Variants in ADAMTS12 observed in about 807,000 individuals in gnomAD.
The protein encoded by ADAMTS12 is A disintegrin and metalloproteinase with thrombospondin motifs 12.
ADAMTS12 carries 118 observed loss-of-function variants against 167.8 expected under a neutral mutation model. The ratio of observed to expected loss-of-function variants is 0.70; its 90% CI spans 0.61 to 0.82. The LOEUF is 0.82. ADAMTS12 is among the 40% of genes least tolerant of loss of function. The pLI is 0.00. For missense variants in ADAMTS12, 1,916 were observed against 1,998.8 expected, an observed-to-expected ratio of 0.96 and a Z score of 0.79; for synonymous variants, 704 against 716.9, an observed-to-expected ratio of 0.98 and a Z score of 0.29.
chr5:33,599,790 G>T (rs1738097142), intron 16 of ADAMTS12, among the ~76,000 whole-genome samples: 2 of 152,154 alleles, frequency 1.3e-5, no homozygotes, highest in South Asian at 4.1e-4. Flanking sequence ...AAAATCGATT[G>T]CTGAAATAAA....
In ADAMTS12 at chr5:33,751,622, T is replaced by C. The variant is rs150679394; in HGVS notation, c.490-74A>G. 2,693 of 1,472,200 alleles carry C rather than the reference T, an allele frequency of 1.8e-3. 39 individuals carry two copies. In the African/African-American group the frequency reaches 0.033, roughly 18 times the overall value. 91.2% of individuals were successfully genotyped at this position (1,472,200 alleles called of 1,614,324 possible). On this transcript the variant is annotated intron_variant, in intron 2 of 23. Transcript: ENST00000504830. The stretch of plus-strand genomic sequence containing the variant: ...CTACTAAAAACAAAGTGAAAAATTA[T>C]ATAGCTTATGAGTATCTCTGAAACT...
intron 3 of ADAMTS12, among the ~76,000 whole-genome samples, chr5:33,725,323 C>CT (rs1446483944): frequency 6.6e-6 from 1 of 152,182 alleles, no homozygotes; most frequent in Non-Finnish European, 1.5e-5. Context: ...CACAGTCTCT[C>CT]TTTCTCTGAT....
At position 33,641,911 on chromosome 5, in the gene ADAMTS12, C is replaced by T; in HGVS notation, c.1617G>A (p.Glu539=). ...GKCITVGKKP[E]SIPGGWGRWS... is the part of the protein sequence containing the mutation. ...AGCGGCCCCAGCCTCCAGGAATGCT[C>T]TCTGGTTTCTTCCCCACTGTGATGC... Residue 539 remains glutamate (E), a synonymous_variant, in exon 11 of 24, where the codon GAG becomes GAA. Transcript: ENST00000504830. 2 of 1,613,752 alleles carry T rather than the reference C, an allele frequency of 1.2e-6. No homozygotes were observed. Among genetic ancestry groups the T allele is most frequent in the South Asian group, 1.1e-5 (1 of 91,064 alleles).
intron 5 of ADAMTS12, among the ~76,000 whole-genome samples, chr5:33,664,909 T>C (rs1314093996): frequency 5.9e-5 from 9 of 152,112 alleles, no homozygotes; most frequent in African/African-American, 1.9e-4. Context: ...GACTGATGAA[T>C]GGATAAAGAA....
At chr5:33,707,987 A>G (rs771359142) in intron 3 of ADAMTS12, among the ~76,000 whole-genome samples, 24 of 152,214 alleles carry the variant, frequency 1.6e-4, no homozygotes, top group Admixed American at 6.5e-5. Context: ...AGCAAAATAA[A>G]CTATCATCAG....
intron 2 of ADAMTS12, among the ~76,000 whole-genome samples, chr5:33,850,806 G>C (rs1257323125): frequency 1.3e-5 from 2 of 152,170 alleles, no homozygotes; most frequent in Non-Finnish European, 2.9e-5. Flanking sequence ...GATCTAAAGA[G>C]GCGAAGTCTT....
intron 1 of ADAMTS12, among the ~76,000 whole-genome samples, chr5:33,884,090 C>T (rs1267987475): frequency 6.6e-6 from 1 of 152,128 alleles, no homozygotes; most frequent in Non-Finnish European, 1.5e-5. Context: ...AGCAATGGTG[C>T]CCTGTATGTA....
intron 12 of ADAMTS12, among the ~76,000 whole-genome samples, chr5:33,631,453 G>C (rs1471799888): frequency 6.8e-6 from 1 of 147,448 alleles, no homozygotes; most frequent in African/African-American, 2.4e-5. Context: ...GAGGTGCTTA[G>C]ATTGACAACC....
At chr5:33,642,009 C>CA (rs1329154502) in intron 10 of ADAMTS12, 54 bp from the exon 11 acceptor site, 2 of 1,536,068 alleles carry the variant, frequency 1.3e-6, no homozygotes, top group African/African-American at 2.7e-5. Context: ...CCAGAGCAAG[C>CA]TGAGCCAAGA....
chr5:33,868,087 TC>T (rs1203622935), intron 2 of ADAMTS12, among the ~76,000 whole-genome samples: 2 of 152,162 alleles, frequency 1.3e-5, no homozygotes, highest in African/African-American at 2.4e-5. Context: ...TCTTGAGGCC[TC>T]CCCAGCCATG....
intron 2 of ADAMTS12, among the ~76,000 whole-genome samples, chr5:33,778,761 C>T (rs970835781): frequency 1.3e-5 from 2 of 152,048 alleles, no homozygotes; most frequent in African/African-American, 4.8e-5. Flanking sequence ...AAAATATTTG[C>T]AAATCAGATA....
intron 13 of ADAMTS12, among the ~76,000 whole-genome samples, chr5:33,625,503 T>C (rs1161644278): frequency 6.6e-6 from 1 of 152,208 alleles, no homozygotes; most frequent in East Asian, 1.9e-4. Flanking sequence ...TGATTTAGAA[T>C]GAGCTATGGA....
intron 19 of ADAMTS12, among the ~76,000 whole-genome samples, chr5:33,569,351 A>G (rs1424692115): frequency 6.6e-6 from 1 of 152,230 alleles, no homozygotes; most frequent in African/African-American, 2.4e-5. Flanking sequence ...ACCCCCCAGT[A>G]GGGGCAGACT....
intron 16 of ADAMTS12, among the ~76,000 whole-genome samples, chr5:33,599,459 C>G (rs1738077230): frequency 6.6e-6 from 1 of 152,162 alleles, no homozygotes; most frequent in Non-Finnish European, 1.5e-5. Context: ...TGCCCTAAAC[C>G]TCAAGAAGGT....
chr5:33,579,638 T>A (rs1373366833), intron 18 of ADAMTS12, among the ~76,000 whole-genome samples: 1 of 152,194 alleles, frequency 6.6e-6, no homozygotes. Flanking sequence ...CTCTGAGAAA[T>A]AGCTTAAATT....
intron 8 of ADAMTS12, 106 bp downstream of exon 8, chr5:33,649,448 G>A: frequency 7.2e-7 from 1 of 1,398,370 alleles, no homozygotes. Flanking sequence ...TGGCCTGTGG[G>A]ATGGAATCCA....
intron 2 of ADAMTS12, among the ~76,000 whole-genome samples, chr5:33,822,508 T>C (rs1289531412): frequency 6.6e-6 from 1 of 152,184 alleles, no homozygotes; most frequent in Non-Finnish European, 1.5e-5. Flanking sequence ...CAAAAGTTCC[T>C]TAATTACCAA....
intron 1 of ADAMTS12, among the ~76,000 whole-genome samples, chr5:33,887,589 C>G (rs1276755439): frequency 6.6e-6 from 1 of 152,188 alleles, no homozygotes; most frequent in Admixed American, 6.5e-5. Context: ...CCTCAGTCCA[C>G]AAGTTTCAAT....
At chr5:33,803,984 T>C (rs1203225881) in intron 2 of ADAMTS12, among the ~76,000 whole-genome samples, 2 of 152,202 alleles carry the variant, frequency 1.3e-5, no homozygotes, top group African/African-American at 4.8e-5. Flanking sequence ...AGCCTAGCTG[T>C]GCTGCCTATT....
Sources: gnomAD v4.1 joint callset for allele counts (sites outside exome capture counted in the v4.1 genomes callset) on GRCh38, gnomAD v4.1.1 for gene constraint, MANE v1.5 for transcripts, NCBI Gene and HGNC (gene_info 2026-07-23, HGNC 2026-07-21) for gene names.